Variants in RC3H1 observed in about 807,000 individuals in gnomAD.
RC3H1 encodes the protein ring finger and CCCH-type domains 1.
A neutral mutation model predicts 138.2 loss-of-function variants in RC3H1; 50 were observed. The ratio of observed to expected loss-of-function variants is 0.36; its 90% CI spans 0.29 to 0.46. RC3H1 has a LOEUF of 0.46. Ranked by LOEUF, RC3H1 falls within the 20% of genes least tolerant of loss-of-function variation. The pLI, the probability that RC3H1 is intolerant of heterozygous loss-of-function variation, is 1.00. For synonymous variants in RC3H1, 462 were observed against 489.1 expected, an observed-to-expected ratio of 0.94 and a Z score of 0.73; for missense variants, 1,031 against 1,388.1, an observed-to-expected ratio of 0.74 and a Z score of 4.09.
chr1:174,017,780 G>C (rs1361372516), intron 1 of RC3H1, among the ~76,000 whole-genome samples: 2 of 58,068 alleles, frequency 3.4e-5, no homozygotes, highest in Admixed American at 4.2e-4. Flanking sequence ...CTCTTTTCTT[G>C]CTCAAAAAAA....
chr1:173,964,329 C>T, intron 10 of RC3H1, 142 bp from the exon 11 acceptor site: 1 of 641,210 alleles, frequency 1.6e-6, no homozygotes, highest in South Asian at 2.0e-5. Context: ...ATTTTTAAAT[C>T]TTATTTCCCC....
intron 2 of RC3H1, among the ~76,000 whole-genome samples, chr1:173,988,466 G>A (rs2103028342): frequency 6.6e-6 from 1 of 152,202 alleles, no homozygotes; most frequent in East Asian, 1.9e-4. Context: ...ATATACCACT[G>A]TTTATCCATT....
intron 8 of RC3H1, among the ~76,000 whole-genome samples, chr1:173,972,087 A>G (rs1296732248): frequency 2.0e-5 from 3 of 152,160 alleles, no homozygotes; most frequent in African/African-American, 4.8e-5. Flanking sequence ...TAATAAGAAA[A>G]TCTATAGAAA....
At chr1:173,966,001 G>T (rs780354700) in intron 9 of RC3H1, among the ~76,000 whole-genome samples, 4 of 152,094 alleles carry the variant, frequency 2.6e-5, no homozygotes, top group Non-Finnish European at 5.9e-5. Context: ...ACTTAACCGG[G>T]TGTGGTGGTG....
At chr1:174,012,008 C>T (rs1661777670) in intron 1 of RC3H1, among the ~76,000 whole-genome samples, 1 of 152,014 alleles carries the variant, frequency 6.6e-6, no homozygotes, top group Non-Finnish European at 1.5e-5. Flanking sequence ...CCGAGAAGTT[C>T]GAGACCAGCC....
At position 173,936,190 on chromosome 1, in the gene RC3H1, TCTTTA is replaced by T. The variant is rs1422731686; in HGVS notation, c.*2526_*2530del. Reference sequence around the variant, plus strand: ...GGTTTCAACTGATATCCAAAATGAATCTTTACTTTTATTTTAAACTTAAACAAAAA... The same window carrying T: ...GGTTTCAACTGATATCCAAAATGAATCTTTTATTTTAAACTTAAACAAAAA... On this transcript the variant is annotated 3_prime_UTR_variant, in exon 20 of 20. Transcript: ENST00000367696. 6.6e-6 allele frequency: 1 copy of T among 152,148 alleles called. No individual in the cohort carries two copies. 9.4% of individuals were successfully genotyped at this position (152,148 alleles called of 1,614,324 possible).
At chr1:173,984,403 G>GT in intron 3 of RC3H1, 96 bp downstream of exon 3, 9 of 1,182,574 alleles carry the variant, frequency 7.6e-6, no homozygotes, top group Non-Finnish European at 1.0e-5. Context: ...CTCTAGTTAG[G>GT]TTTTTTGGGA....
chr1:173,943,858 C>A (rs936743398), intron 17 of RC3H1, among the ~76,000 whole-genome samples: 5 of 152,068 alleles, frequency 3.3e-5, no homozygotes, highest in African/African-American at 1.2e-4. Context: ...CTTGTATTTT[C>A]TGATTTGAAA....
At chr1:173,963,486 T>C (rs972057515) in intron 11 of RC3H1, among the ~76,000 whole-genome samples, 2 of 152,174 alleles carry the variant, frequency 1.3e-5, no homozygotes, top group African/African-American at 4.8e-5. Flanking sequence ...TCTTTACCAT[T>C]ATTTATTCTA....
At chr1:173,969,344 T>C (rs1305557551) in intron 9 of RC3H1, 2 of 150,966 alleles carry the variant, frequency 1.3e-5, no homozygotes, top group Admixed American at 1.3e-4. Flanking sequence ...TATTCCCAGG[T>C]AGTCTCCCAT....
At chr1:173,996,178 C>T (rs915625562) in intron 1 of RC3H1, among the ~76,000 whole-genome samples, 3 of 151,944 alleles carry the variant, frequency 2.0e-5, no homozygotes, top group South Asian at 2.1e-4. Context: ...TGCTTGAACC[C>T]GGGAGGGGGA....
Position 173,985,170 on chromosome 1 carries a change from A to G in RC3H1, c.232-551T>C, listed in dbSNP as rs865800812. Among the ~76,000 whole-genome samples the G allele has an allele frequency of 2.4e-4, 37 of 152,344 alleles. No individual in the cohort carries two copies. The Middle Eastern group carries it at 0.017, about 70-fold the overall frequency. On this transcript the variant is annotated intron_variant, in intron 2 of 19. Transcript: ENST00000367696. ...CATTTTCATCACTGAATAAAATTCCATTGTATAAATATATCACACTTTATT... is the reference window on the plus strand; with the variant it reads ...CATTTTCATCACTGAATAAAATTCCGTTGTATAAATATATCACACTTTATT...
At chr1:174,005,229 C>T (rs1661632534) in intron 1 of RC3H1, among the ~76,000 whole-genome samples, 1 of 152,108 alleles carries the variant, frequency 6.6e-6, no homozygotes, top group Non-Finnish European at 1.5e-5. Context: ...TTTATAATAG[C>T]TCAGATCCCT....
chr1:174,022,282 C>A lies in RC3H1; in HGVS notation c.-337G>T. 2.6e-6 allele frequency: 1 copy of A among 387,468 alleles called. No homozygotes were observed. The highest frequency in any genetic ancestry group is 4.6e-6 in the Non-Finnish European group (1 of 219,290). The allele number at this position is 387,468 out of a possible 1,614,324, so 24.0% of individuals were successfully genotyped here. The stretch of plus-strand genomic sequence containing the variant: ...CCCACCTGCTGCTGCTGAGGCTGCT[C>A]CTGCAGCAGGGGCCATCTTGTTGCT... On this transcript the variant is annotated 5_prime_UTR_variant, in exon 1 of 20. Transcript: ENST00000367696. This position sits in a 1 kb window ranked among gnomAD's most constrained non-coding sequence, Gnocchi z 4.2.
intron 5 of RC3H1, among the ~76,000 whole-genome samples, chr1:173,981,655 C>T (rs1660826098): frequency 1.3e-5 from 2 of 152,122 alleles, no homozygotes; most frequent in South Asian, 2.1e-4. Context: ...GACTGTAGAG[C>T]TTCAGATGCT....
At chr1:173,982,668 T>C (rs964641778) in intron 5 of RC3H1, 59 bp downstream of exon 5, 2 of 1,412,774 alleles carry the variant, frequency 1.4e-6, no homozygotes, top group South Asian at 3.1e-5. Flanking sequence ...GTTTTACTAC[T>C]TAACTTTGGG....
intron 1 of RC3H1, among the ~76,000 whole-genome samples, chr1:174,014,178 T>C (rs1429068764): frequency 6.6e-6 from 1 of 152,192 alleles, no homozygotes; most frequent in Non-Finnish European, 1.5e-5. Flanking sequence ...CATAGAACTG[T>C]CCAACACAAA....
chr1:173,942,790 A>C (rs1158931053), intron 18 of RC3H1, among the ~76,000 whole-genome samples: 3 of 151,964 alleles, frequency 2.0e-5, no homozygotes, highest in African/African-American at 7.3e-5. Context: ...AGATCGCACC[A>C]CTGCACTCCA....
chr1:173,987,774 A>G (rs1049429471), intron 2 of RC3H1, among the ~76,000 whole-genome samples: 1 of 152,176 alleles, frequency 6.6e-6, no homozygotes, highest in Non-Finnish European at 1.5e-5. Flanking sequence ...GATATCTCGT[A>G]TATCTATTTC....
Sources: allele counts gnomAD v4.1 joint callset (sites outside exome capture counted in the v4.1 genomes callset), GRCh38; gene constraint gnomAD v4.1.1; non-coding constraint Gnocchi (gnomAD v3.1); transcripts MANE v1.5; gene names NCBI Gene and HGNC (gene_info 2026-07-23, HGNC 2026-07-21).